Variants in PLEKHA7 observed in about 807,000 individuals in gnomAD.
PLEKHA7 encodes the protein pleckstrin homology domain-containing family A member 7.
PLEKHA7 carries 104 observed loss-of-function variants against 170.0 expected under a neutral mutation model. That is an observed-to-expected ratio of 0.61 (90% CI 0.52 to 0.72). The LOEUF is 0.72. PLEKHA7 is among the 30% of genes least tolerant of loss of function. The pLI, the probability that PLEKHA7 is intolerant of heterozygous loss-of-function variation, is 0.00. For synonymous variants in PLEKHA7, 648 were observed against 660.8 expected (o/e 0.98, Z 0.30); for missense variants, 1,615 against 1,671.7 (o/e 0.97, Z 0.59).
intron 3 of PLEKHA7, among the ~76,000 whole-genome samples, chr11:16,874,070 C>T (rs1191419643): frequency 2.0e-5 from 3 of 152,206 alleles, no homozygotes; most frequent in African/African-American, 7.2e-5. Flanking sequence ...AAGCCCTGCT[C>T]ATAACGGAAA....
At chr11:16,803,092 G>A in intron 14 of PLEKHA7, 40 bp from the exon 15 acceptor site, 1 of 1,580,832 alleles carries the variant, frequency 6.3e-7, no homozygotes. Flanking sequence ...GGGGTGATGA[G>A]AAAAGGACAT....
chr11:16,815,492 A>G (rs1372807249), intron 12 of PLEKHA7, among the ~76,000 whole-genome samples: 2 of 152,208 alleles, frequency 1.3e-5, no homozygotes, highest in Non-Finnish European at 2.9e-5. Flanking sequence ...CAGGAAAGCA[A>G]CAACCAACAG....
intron 15 of PLEKHA7, among the ~76,000 whole-genome samples, 180 bp from the exon 16 acceptor site, chr11:16,801,997 G>A (rs1848626653): frequency 6.6e-6 from 1 of 152,136 alleles, no homozygotes; most frequent in Non-Finnish European, 1.5e-5. Flanking sequence ...AGTAGGCTGG[G>A]GAAAGTACCT....
At chr11:16,897,762 C>G (rs1298797233) in intron 3 of PLEKHA7, among the ~76,000 whole-genome samples, 1 of 152,128 alleles carries the variant, frequency 6.6e-6, no homozygotes, top group Non-Finnish European at 1.5e-5. Context: ...GACTTTATGA[C>G]TCTAACTAGC....
At chr11:16,792,519 C>T (rs1847932306) in intron 19 of PLEKHA7, among the ~76,000 whole-genome samples, 2 of 145,190 alleles carry the variant, frequency 1.4e-5, no homozygotes, top group Non-Finnish European at 3.0e-5. Flanking sequence ...GGAGTCAACA[C>T]AGGTACTAAA....
intron 8 of PLEKHA7, among the ~76,000 whole-genome samples, chr11:16,849,973 G>A (rs1324923988): frequency 1.3e-5 from 2 of 152,126 alleles, no homozygotes; most frequent in Non-Finnish European, 2.9e-5. Context: ...AAGGTAGAAG[G>A]AAGATGAGAC....
intron 3 of PLEKHA7, among the ~76,000 whole-genome samples, chr11:16,990,288 A>AAAAAAAAAAACC (rs1565186059): frequency 3.4e-5 from 2 of 58,954 alleles, no homozygotes; most frequent in African/African-American, 1.6e-4. Flanking sequence ...AAAAAAAAAA[A>AAAAAAAAAAACC]AAAAAAAAAA....
At chr11:16,787,883 C>G (rs1442379754) in intron 23 of PLEKHA7, 2 of 152,328 alleles carry the variant, frequency 1.3e-5, no homozygotes, top group South Asian at 4.1e-4. Context: ...CTGGGCCTTA[C>G]CCCTTTGGTG....
At chr11:16,836,048 G>A (rs1851487295) in intron 9 of PLEKHA7, among the ~76,000 whole-genome samples, 1 of 152,194 alleles carries the variant, frequency 6.6e-6, no homozygotes, top group Non-Finnish European at 1.5e-5. Flanking sequence ...GTTGTCCCTG[G>A]CCATGGAAGA....
chr11:16,885,959 T>A (rs940039511), intron 3 of PLEKHA7, among the ~76,000 whole-genome samples: 1 of 149,232 alleles, frequency 6.7e-6, no homozygotes, highest in African/African-American at 2.5e-5. Flanking sequence ...ATCGCGCCAC[T>A]GCACCACTCC....
chr11:16,849,895 G>A, intron 8 of PLEKHA7, among the ~76,000 whole-genome samples: 1 of 152,164 alleles, frequency 6.6e-6, no homozygotes, highest in Non-Finnish European at 1.5e-5. Context: ...GGAAACACAG[G>A]AACAACTCAA....
At chr11:16,803,177 T>A in intron 14 of PLEKHA7, 50 bp downstream of exon 14, 1 of 1,582,698 alleles carries the variant, frequency 6.3e-7, no homozygotes, top group Non-Finnish European at 8.7e-7. Context: ...TCACCCGGGG[T>A]CTGGGTCAGG....
intron 3 of PLEKHA7, among the ~76,000 whole-genome samples, chr11:16,881,127 C>T (rs4757441): frequency 0.17 from 25,365 of 152,176 alleles, 2,620 homozygotes; most frequent in Non-Finnish European, 0.24. Context: ...TTTTATTTAA[C>T]TGTAGGTGCT....
At chr11:16,842,526 A>G (rs1421589449) in intron 8 of PLEKHA7, 1 of 147,452 alleles carries the variant, frequency 6.8e-6, no homozygotes, top group Non-Finnish European at 1.5e-5. Context: ...GTTGACCAAC[A>G]GTTAACTAAA....
chr11:16,779,563 T>C (rs1200644355), intron 26 of PLEKHA7, among the ~76,000 whole-genome samples: 1 of 152,168 alleles, frequency 6.6e-6, no homozygotes, highest in Non-Finnish European at 1.5e-5. Flanking sequence ...CACCCTCAAA[T>C]GTGGCCTTCA....
intron 10 of PLEKHA7, among the ~76,000 whole-genome samples, chr11:16,825,765 A>G (rs440211): frequency 0.69 from 104,849 of 152,128 alleles, 36,360 homozygotes; most frequent in East Asian, 0.87. Flanking sequence ...AGCAGCACAA[A>G]AGGAAAAGAT....
intron 9 of PLEKHA7, among the ~76,000 whole-genome samples, chr11:16,837,006 T>A (rs1247690815): frequency 6.6e-6 from 1 of 152,110 alleles, no homozygotes; most frequent in Non-Finnish European, 1.5e-5. Flanking sequence ...GTATTTTTAG[T>A]AGAGATGGAG....
In PLEKHA7 at chr11:17,014,350, C is replaced by A. The variant is rs867933708; in HGVS notation, c.52G>T (p.Gly18Trp). 1 of 1,446,102 alleles carries A rather than the reference C, an allele frequency of 6.9e-7. No homozygotes were observed. The highest frequency in any genetic ancestry group is 1.4e-5 in the South Asian group (1 of 70,936). The allele number at this position is 1,446,102 out of a possible 1,614,324, so 89.6% of individuals were successfully genotyped here. The stretch of plus-strand genomic sequence containing the variant: ...AAGACGCGGCCATCCCGGCACACCC[C>A]GTAGGACCAATGCTCAGGTAAAGTG... ...RDTLPEHWSY[G>W]VCRDGRVFFI... Residue 18 changes from glycine to tryptophan, a missense_variant, in exon 1 of 27, where the codon GGG becomes TGG. Gly to Trp is a radical substitution (Grantham distance 184). Coordinates refer to ENST00000531066, the MANE Select transcript of PLEKHA7 (RefSeq NM_001329630.2).
At chr11:16,977,517 A>G (rs11024098) in intron 3 of PLEKHA7, among the ~76,000 whole-genome samples, 42,024 of 152,108 alleles carry the variant, frequency 0.28, 6,070 homozygotes, top group South Asian at 0.36. Context: ...GTAAGAATGA[A>G]TGACTTCAAC....
Sources: gnomAD v4.1 joint callset for allele counts (sites outside exome capture counted in the v4.1 genomes callset) on GRCh38, gnomAD v4.1.1 for gene constraint, MANE v1.5 for transcripts, NCBI Gene and HGNC (gene_info 2026-07-23, HGNC 2026-07-21) for gene names.